The following TPR variants were observed in gnomAD, a reference collection of about 807,000 sequenced individuals.
The protein encoded by TPR is translocated promoter region, nuclear basket protein.
Under a neutral mutation model 316.1 loss-of-function variants are expected in TPR, and 51 were observed. The observed-to-expected ratio is 0.16, with a 90% CI of 0.13 to 0.20. TPR has a LOEUF of 0.20. Ranked by LOEUF, TPR falls within the 10% of genes least tolerant of loss-of-function variation. The pLI, the probability that TPR is intolerant of heterozygous loss-of-function variation, is 1.00. For synonymous variants in TPR, 981 were observed against 914.7 expected (o/e 1.07, Z -1.31); for missense variants, 2,272 against 2,754.8 (o/e 0.82, Z 3.92).
At chr1:186,370,896 G>C in intron 3 of TPR, 74 bp downstream of exon 3, 1 of 1,318,780 alleles carries the variant, frequency 7.6e-7, no homozygotes, top group East Asian at 2.3e-5. Context: ...ACTAATAACT[G>C]ATAAACAATC....
At chr1:186,335,584 A>T (rs779939585) in intron 33 of TPR, 41 bp from the exon 34 acceptor site, 3 of 1,468,236 alleles carry the variant, frequency 2.0e-6, no homozygotes, top group Admixed American at 2.3e-5. Context: ...ATTATAATCA[A>T]ACATTTAAAA....
chr1:186,351,203 G>T, intron 20 of TPR, 127 bp downstream of exon 20: 1 of 1,115,388 alleles, frequency 9.0e-7, no homozygotes, highest in Non-Finnish European at 1.2e-6. Flanking sequence ...TATAGAGTGA[G>T]GCAAGAAAAA....
At chr1:186,363,948 G>T (rs1489310674) in intron 4 of TPR, among the ~76,000 whole-genome samples, 1 of 151,988 alleles carries the variant, frequency 6.6e-6, no homozygotes, top group East Asian at 1.9e-4. Flanking sequence ...TGTATTACTG[G>T]AATACTTTCA....
rs373977761 is a variant in TPR, at chr1:186,352,065, A to T, written c.2380T>A (p.Ser794Thr). 161 of 1,609,630 alleles carry T rather than the reference A, an allele frequency of 1.0e-4. No homozygotes were observed. Among genetic ancestry groups the T allele is most frequent in the Non-Finnish European group, 1.3e-4 (155 of 1,178,522 alleles). ...LKKEKEMLKL[S>T]EVRLSQQRES... ...CTTTGCTGAGAAAGACGAACTTCAG[A>T]CAATTTAAGCATTTCCTTTTCCTTC... Residue 794 changes from serine to threonine, a missense_variant, in exon 19 of 51, where the codon TCT becomes ACT. Ser to Thr is a moderately conservative substitution (Grantham distance 58, BLOSUM62 1). Transcript: ENST00000367478.
At chr1:186,343,856 A>G in intron 26 of TPR, 50 bp downstream of exon 26, 1 of 1,454,518 alleles carries the variant, frequency 6.9e-7, no homozygotes, top group Non-Finnish European at 9.4e-7. Flanking sequence ...TTGTAGTTTC[A>G]TTTCATAGTT....
intron 17 of TPR, among the ~76,000 whole-genome samples, chr1:186,354,123 A>G (rs1049326642): frequency 6.6e-6 from 1 of 152,198 alleles, no homozygotes; most frequent in South Asian, 2.1e-4. Context: ...GAGCGCTGGC[A>G]GCAAGCTGCA....
chr1:186,353,555 TATTA>T lies in TPR; in HGVS notation c.2334+129_2334+132del, dbSNP rs1401609451. 22 of 922,160 alleles carry T rather than the reference TATTA, an allele frequency of 2.4e-5. No individual in the cohort carries two copies. In the East Asian group the frequency reaches 5.1e-4, roughly 22 times the overall value. 57.1% of individuals were successfully genotyped at this position (922,160 alleles called of 1,614,324 possible). On this transcript the variant is annotated intron_variant, in intron 18 of 50. Coordinates refer to ENST00000367478, the MANE Select transcript of TPR (RefSeq NM_003292.3). ...GCACACTGGCTATTTGCAAACTATG[TATTA>T]ATTACTTGGTGTAACCTCCAAACTT...
At chr1:186,352,216 C>T in intron 18 of TPR, 106 bp from the exon 19 acceptor site, 3 of 1,023,336 alleles carry the variant, frequency 2.9e-6, no homozygotes, top group Non-Finnish European at 4.0e-6. Context: ...TTTTTTAATG[C>T]TCTTAGGGAC....
At chr1:186,336,433 T>C in intron 33 of TPR, 63 bp downstream of exon 33, 1 of 1,500,262 alleles carries the variant, frequency 6.7e-7, no homozygotes, top group Non-Finnish European at 9.2e-7. Flanking sequence ...TTCCATTTAG[T>C]TTTAGGCCTG....
chr1:186,338,649 G>A (rs1558006803), intron 30 of TPR, among the ~76,000 whole-genome samples: 1 of 152,160 alleles, frequency 6.6e-6, no homozygotes, highest in African/African-American at 2.4e-5. Flanking sequence ...CAAAGTCTTT[G>A]CTGTATTTTT....
intron 25 of TPR, 50 bp from the exon 26 acceptor site, chr1:186,344,140 A>T: frequency 6.4e-7 from 1 of 1,567,644 alleles, no homozygotes; most frequent in Non-Finnish European, 8.6e-7. Context: ...TGCATATTTA[A>T]AAAAAACAAC....
chr1:186,343,674 T>G (rs974235195), intron 26 of TPR, among the ~76,000 whole-genome samples: 1 of 152,206 alleles, frequency 6.6e-6, no homozygotes, highest in African/African-American at 2.4e-5. Context: ...TAAAATGATC[T>G]GAAAGGCATT....
Position 186,312,716 on chromosome 1 carries a change from G to T in TPR, c.*1255C>A. ...AACTCAGATGTCTGGCTCTTTCCAAGATAGTACATTGCCTTTTAATCTGGT... is the reference window on the plus strand; with the variant it reads ...AACTCAGATGTCTGGCTCTTTCCAATATAGTACATTGCCTTTTAATCTGGT... On this transcript the variant is annotated 3_prime_UTR_variant, in exon 51 of 51. Coordinates refer to ENST00000367478, the MANE Select transcript of TPR (RefSeq NM_003292.3). 3 of 1,582,288 alleles carry T rather than the reference G, an allele frequency of 1.9e-6. No homozygotes were observed. The highest frequency in any genetic ancestry group is 2.6e-6 in the Non-Finnish European group (3 of 1,151,836).
chr1:186,365,455 A>G, intron 4 of TPR, among the ~76,000 whole-genome samples: 1 of 152,148 alleles, frequency 6.6e-6, no homozygotes, highest in East Asian at 1.9e-4. Context: ...CCCAGAACCC[A>G]GGAGTTCAAC....
Position 186,312,902 on chromosome 1 carries a change from A to G in TPR, c.*1069T>C. On this transcript the variant is annotated 3_prime_UTR_variant, in exon 51 of 51. Coordinates refer to ENST00000367478, the MANE Select transcript of TPR (RefSeq NM_003292.3). ...ACTATGCCTTTTCTAAAGGTAAGGT[A>G]TTAACTAACAGTTTCCCAAGGAGGT... 1.9e-6 allele frequency: 3 copies of G among 1,609,506 alleles called. No individual in the cohort carries two copies. Among genetic ancestry groups the G allele is most frequent in the East Asian group, 4.5e-5 (2 of 44,824 alleles).
rs1483104688 is a variant in TPR, at chr1:186,375,164, C to T, written c.-136G>A. ...TCGGTGGCTCGCGCGCGCCCGCCCG[C>T]CGGAGACTCCCGCGGCGGGACCCTG... On this transcript the variant is annotated 5_prime_UTR_variant, in exon 1 of 51. Transcript: ENST00000367478. The T allele has an allele frequency of 1.9e-6, 3 of 1,542,152 alleles. No homozygotes were observed. The highest frequency in any genetic ancestry group is 2.4e-5 in the South Asian group (2 of 83,592).
At chr1:186,333,711 T>C (rs1286139800) in intron 36 of TPR, among the ~76,000 whole-genome samples, 2 of 152,162 alleles carry the variant, frequency 1.3e-5, no homozygotes, top group Non-Finnish European at 2.9e-5. Flanking sequence ...CATCATTTAG[T>C]TTTTAATTGA....
chr1:186,323,473 T>C (rs1657827676), intron 43 of TPR, among the ~76,000 whole-genome samples: 1 of 152,192 alleles, frequency 6.6e-6, no homozygotes, highest in Admixed American at 6.5e-5. Flanking sequence ...TTTCAATGTA[T>C]GCACAACTTT....
rs1413584919 is a variant in TPR, at chr1:186,357,415, T to C, written c.1706A>G (p.Gln569Arg). ...ELGETREREEQETTSSKITEL... is the reference protein window; with the variant it reads ...ELGETREREERETTSSKITEL... ...TACTTACTTGGATGAAGTTGTTTCT[T>C]GTTCTTCTCTTTCTCTGGTTTCCCC... The change falls in exon 14 of 51, where the codon CAA becomes CGA. Residue 569 changes from glutamine to arginine, a missense_variant. This residue lies in a region of TPR where 757 missense variants were observed against 859.8 expected (regional missense o/e 0.88). Transcript: ENST00000367478. The C allele has an allele frequency of 1.2e-6, 2 of 1,613,824 alleles. No individual in the cohort carries two copies. The highest frequency in any genetic ancestry group is 1.7e-6 in the Non-Finnish European group (2 of 1,179,992).
Sources: gnomAD v4.1 joint callset for allele counts (sites outside exome capture counted in the v4.1 genomes callset) on GRCh38, gnomAD v4.1.1 for gene constraint, gnomAD v4.1.1 regional missense constraint, MANE v1.5 for transcripts, NCBI Gene and HGNC (gene_info 2026-07-23, HGNC 2026-07-21) for gene names.